NPAS3: variants seen among roughly 807,000 people sequenced by gnomAD.
NPAS3 encodes neuronal PAS domain-containing protein 3.
In NPAS3, 14 loss-of-function variants were observed where a neutral mutation model predicts 73.1. The ratio of observed to expected loss-of-function variants is 0.19; its 90% CI spans 0.13 to 0.30. NPAS3 has a LOEUF of 0.30. Ranked by LOEUF, NPAS3 falls within the 10% of genes least tolerant of loss-of-function variation. The pLI, the probability that NPAS3 is intolerant of heterozygous loss-of-function variation, is 1.00. For synonymous variants in NPAS3, 620 were observed against 541.5 expected (o/e 1.14, Z -2.01); for missense variants, 1,096 against 1,250.0 (o/e 0.88, Z 1.86).
At chr14:33,281,875 G>C (rs2041632365) in intron 3 of NPAS3, among the ~76,000 whole-genome samples, 1 of 152,080 alleles carries the variant, frequency 6.6e-6, no homozygotes. Flanking sequence ...TGCAAACTTT[G>C]ACAGTTACAG....
intron 1 of NPAS3, among the ~76,000 whole-genome samples, chr14:33,005,952 A>G (rs2038987476): frequency 6.6e-6 from 1 of 152,154 alleles, no homozygotes; most frequent in Non-Finnish European, 1.5e-5. Flanking sequence ...AACCCTCAAC[A>G]GCCAAACTTG....
intron 4 of NPAS3, among the ~76,000 whole-genome samples, chr14:33,417,312 T>C (rs2048187170): frequency 6.6e-6 from 1 of 152,022 alleles, no homozygotes; most frequent in Non-Finnish European, 1.5e-5. Context: ...GTCACCTTAT[T>C]CATAAAAATG....
intron 4 of NPAS3, among the ~76,000 whole-genome samples, chr14:33,391,563 A>T (rs150152628): frequency 6.6e-6 from 1 of 152,082 alleles, no homozygotes; most frequent in Non-Finnish European, 1.5e-5. Flanking sequence ...TATCTCAAAA[A>T]CCTCTTTAAT....
intron 2 of NPAS3, among the ~76,000 whole-genome samples, chr14:33,064,499 T>C (rs935337511): frequency 6.6e-6 from 1 of 152,144 alleles, no homozygotes; most frequent in African/African-American, 2.4e-5. Flanking sequence ...GAGCAGGCTT[T>C]GGTGGGCCTT....
intron 3 of NPAS3, among the ~76,000 whole-genome samples, chr14:33,325,391 C>T (rs1013573848): frequency 7.2e-5 from 11 of 152,162 alleles, no homozygotes; most frequent in Middle Eastern, 3.4e-3. Flanking sequence ...CCTGTAATCC[C>T]AATCAATACT....
At chr14:33,118,126 G>T (rs1479308613) in intron 2 of NPAS3, among the ~76,000 whole-genome samples, 1 of 151,724 alleles carries the variant, frequency 6.6e-6, no homozygotes, top group East Asian at 1.9e-4. Flanking sequence ...CATAATTGTT[G>T]TCTTTTTTTC....
At chr14:33,324,572 T>C (rs761461808) in intron 3 of NPAS3, among the ~76,000 whole-genome samples, 78 of 152,210 alleles carry the variant, frequency 5.1e-4, no homozygotes, top group Non-Finnish European at 8.7e-4. Context: ...CTTTTGATTA[T>C]CTACAGGGAT....
intron 5 of NPAS3, among the ~76,000 whole-genome samples, chr14:33,613,570 T>G (rs916120021): frequency 6.6e-6 from 1 of 152,126 alleles, no homozygotes; most frequent in African/African-American, 2.4e-5. Context: ...TTCAGCATGG[T>G]CTCCTGGTGC....
chr14:33,629,449 G>A (rs908960366), intron 5 of NPAS3, among the ~76,000 whole-genome samples: 3 of 152,136 alleles, frequency 2.0e-5, no homozygotes, highest in South Asian at 2.1e-4. Context: ...TTGAAACAGA[G>A]TTTTGGTTTG....
At chr14:33,767,236 G>C (rs2062492448) in intron 7 of NPAS3, among the ~76,000 whole-genome samples, 1 of 152,170 alleles carries the variant, frequency 6.6e-6, no homozygotes, top group Non-Finnish European at 1.5e-5. Context: ...CTAAATCCTG[G>C]AAGCCCCACT....
intron 4 of NPAS3, among the ~76,000 whole-genome samples, chr14:33,383,270 G>A (rs1166721381): frequency 2.0e-5 from 3 of 152,054 alleles, no homozygotes; most frequent in Non-Finnish European, 4.4e-5. Context: ...CAGTTTGGTG[G>A]TCTTAGTAGG....
At chr14:33,484,914 C>G (rs1419781008) in intron 4 of NPAS3, among the ~76,000 whole-genome samples, 1 of 152,104 alleles carries the variant, frequency 6.6e-6, no homozygotes, top group Non-Finnish European at 1.5e-5. Flanking sequence ...TTTTCTTGTT[C>G]CCCTGACGCA....
At chr14:33,628,249 G>A (rs1176768808) in intron 5 of NPAS3, among the ~76,000 whole-genome samples, 1 of 152,066 alleles carries the variant, frequency 6.6e-6, no homozygotes. Context: ...CATTCAAGGG[G>A]CATACAGCTC....
chr14:33,526,919 C>T (rs951164409), intron 4 of NPAS3, among the ~76,000 whole-genome samples: 1 of 152,090 alleles, frequency 6.6e-6, no homozygotes, highest in Non-Finnish European at 1.5e-5. Flanking sequence ...GTTATGAGAA[C>T]AAGGTCCTTT....
intron 2 of NPAS3, among the ~76,000 whole-genome samples, chr14:33,094,042 C>T: frequency 6.6e-6 from 1 of 151,776 alleles, no homozygotes; most frequent in East Asian, 1.9e-4. Flanking sequence ...GGGTGCAGCA[C>T]ACCAACATGG....
At chr14:33,695,781 G>T (rs1026412163) in intron 6 of NPAS3, among the ~76,000 whole-genome samples, 1 of 152,114 alleles carries the variant, frequency 6.6e-6, no homozygotes, top group Non-Finnish European at 1.5e-5. Context: ...ACAAATAAAA[G>T]GAATTGATTG....
At chr14:33,369,076 A>G (rs887923611) in intron 4 of NPAS3, among the ~76,000 whole-genome samples, 2 of 152,188 alleles carry the variant, frequency 1.3e-5, no homozygotes, top group African/African-American at 4.8e-5. Context: ...AATCAAACAT[A>G]AATTCAGTAT....
chr14:33,795,104 C>T (rs2063473583), intron 10 of NPAS3, among the ~76,000 whole-genome samples: 1 of 152,168 alleles, frequency 6.6e-6, no homozygotes, highest in Non-Finnish European at 1.5e-5. Flanking sequence ...AGCACACTGG[C>T]CCTTCAGAGT....
chr14:33,135,970 T>C (rs993011081), intron 2 of NPAS3, among the ~76,000 whole-genome samples: 4 of 152,054 alleles, frequency 2.6e-5, no homozygotes, highest in Non-Finnish European at 5.9e-5. Context: ...GGTTGTCTTA[T>C]GTAATAAAAG....
Sources: allele counts gnomAD v4.1 joint callset (sites outside exome capture counted in the v4.1 genomes callset), GRCh38; gene constraint gnomAD v4.1.1; transcripts MANE v1.5; gene names NCBI Gene and HGNC (gene_info 2026-07-23, HGNC 2026-07-21).